TENM3: variants seen among roughly 807,000 people sequenced by gnomAD.
The protein encoded by TENM3 is teneurin-3.
In TENM3, 63 loss-of-function variants were observed where a neutral mutation model predicts 255.1. The ratio of observed to expected loss-of-function variants is 0.25; its 90% CI spans 0.20 to 0.30. The LOEUF is 0.30. Among genes scored for constraint, TENM3 ranks in the 10% least tolerant of loss-of-function variants. The pLI, the probability that TENM3 is intolerant of heterozygous loss-of-function variation, is 1.00. For synonymous variants in TENM3, 1,306 were observed against 1,322.3 expected (o/e 0.99, Z 0.27); for missense variants, 2,929 against 3,461.1 (o/e 0.85, Z 3.86).
At chr4:181,770,674 CAAA>C in the TENM3 span, among the ~76,000 whole-genome samples, 463 of 76,612 alleles carry the variant, frequency 6.0e-3, 2 homozygotes, top group African/African-American at 0.02. Flanking sequence ...GACTCTGTCT[CAAA>C]AAAAAAAAAA....
the TENM3 span, among the ~76,000 whole-genome samples, chr4:182,100,449 AT>A: frequency 0.11 from 4,220 of 40,050 alleles, 238 homozygotes; most frequent in East Asian, 0.19. Flanking sequence ...AAAAAAAAAA[AT>A]ATATATATAT....
At chr4:182,079,258 T>G in the TENM3 span, among the ~76,000 whole-genome samples, 3 of 152,302 alleles carry the variant, frequency 2.0e-5, no homozygotes, top group Non-Finnish European at 4.4e-5. Context: ...GGCTCATGCC[T>G]GTAATCCTAG....
intron 3 of TENM3, among the ~76,000 whole-genome samples, chr4:182,590,774 C>T (rs1008132615): frequency 6.6e-6 from 1 of 150,912 alleles, no homozygotes; most frequent in Non-Finnish European, 1.5e-5. Context: ...ACTTGAACCT[C>T]AGAGGCGGAG....
the TENM3 span, among the ~76,000 whole-genome samples, chr4:181,670,137 G>A: frequency 0.15 from 23,161 of 152,072 alleles, 2,180 homozygotes; most frequent in East Asian, 0.22. Flanking sequence ...TACACTCAAG[G>A]TAAATGGATT....
At position 182,635,640 on chromosome 4, in the gene TENM3, T is replaced by A. The variant is rs147832178; in HGVS notation, c.988+6751T>A. Among the ~76,000 whole-genome samples, 919 of 152,282 alleles carry A rather than the reference T, an allele frequency of 6.0e-3. 10 individuals are homozygous for A. Among genetic ancestry groups the A allele is most frequent in the African/African-American group, 0.021 (873 of 41,560 alleles). The stretch of plus-strand genomic sequence containing the variant: ...CTATTCCTTTCATTTAAAAAATACA[T>A]ATGTAGTTATTTATTTCCTTTGAAC... On this transcript the variant is annotated intron_variant, in intron 5 of 27. Coordinates refer to ENST00000511685, the MANE Select transcript of TENM3 (RefSeq NM_001080477.4).
intron 3 of TENM3, among the ~76,000 whole-genome samples, chr4:182,497,411 G>A (rs1209424882): frequency 2.0e-5 from 3 of 152,116 alleles, no homozygotes; most frequent in Non-Finnish European, 2.9e-5. Context: ...TACTTTTAGT[G>A]TGCTATACTA....
chr4:182,752,139 T>G, intron 20 of TENM3, 107 bp downstream of exon 20: 1 of 743,972 alleles, frequency 1.3e-6, no homozygotes, highest in Non-Finnish European at 2.1e-6. Flanking sequence ...TGAGTCTAAC[T>G]TTTTACCTTT....
At chr4:181,797,095 T>C in the TENM3 span, among the ~76,000 whole-genome samples, 1 of 151,794 alleles carries the variant, frequency 6.6e-6, no homozygotes, top group African/African-American at 2.4e-5. Context: ...CAAAATATGC[T>C]CCCTCCCCTT....
the TENM3 span, among the ~76,000 whole-genome samples, chr4:181,947,784 A>C: frequency 6.6e-6 from 1 of 152,200 alleles, no homozygotes; most frequent in African/African-American, 2.4e-5. Context: ...AAATTAGTGC[A>C]GTATCAGTGG....
intron 3 of TENM3, among the ~76,000 whole-genome samples, chr4:182,453,624 T>C (rs985762894): frequency 1.3e-5 from 2 of 152,256 alleles, no homozygotes; most frequent in East Asian, 1.9e-4. Flanking sequence ...TTGTAAAAAA[T>C]TAAAACGATG....
At chr4:181,688,730 A>G in the TENM3 span, among the ~76,000 whole-genome samples, 1 of 152,218 alleles carries the variant, frequency 6.6e-6, no homozygotes, top group Non-Finnish European at 1.5e-5. Flanking sequence ...GTGTATGTCC[A>G]TGAGTGTTTG....
At chr4:181,959,491 G>A in the TENM3 span, among the ~76,000 whole-genome samples, 51 of 152,210 alleles carry the variant, frequency 3.4e-4, no homozygotes, top group Non-Finnish European at 5.0e-4. Flanking sequence ...AAGAGAGAAC[G>A]GAATACAATT....
At chr4:181,717,339 G>A in the TENM3 span, among the ~76,000 whole-genome samples, 16 of 152,046 alleles carry the variant, frequency 1.1e-4, no homozygotes, top group East Asian at 1.9e-3. Flanking sequence ...AGATGATCAC[G>A]GGGTATAAAA....
At chr4:182,197,463 A>G (rs1386119315) in intron 1 of TENM3, among the ~76,000 whole-genome samples, 1 of 152,172 alleles carries the variant, frequency 6.6e-6, no homozygotes. Context: ...CCATCAGAGG[A>G]TATTATTCAG....
At chr4:182,029,382 T>C in the TENM3 span, among the ~76,000 whole-genome samples, 147,485 of 152,228 alleles carry the variant, frequency 0.97, 71,623 homozygotes, top group East Asian at 1. Flanking sequence ...TCCAATGTTT[T>C]CTTTTTGATT....
At chr4:182,048,920 C>G in the TENM3 span, among the ~76,000 whole-genome samples, 3 of 152,166 alleles carry the variant, frequency 2.0e-5, no homozygotes, top group Admixed American at 1.3e-4. Context: ...TGTTTTCATG[C>G]AAGAAGTTCA....
chr4:181,755,962 G>A, the TENM3 span, among the ~76,000 whole-genome samples: 35 of 152,148 alleles, frequency 2.3e-4, no homozygotes, highest in African/African-American at 7.7e-4. Flanking sequence ...GCACTGTCAC[G>A]TCATTGATAG....
At chr4:181,725,551 G>A in the TENM3 span, among the ~76,000 whole-genome samples, 2 of 150,806 alleles carry the variant, frequency 1.3e-5, no homozygotes, top group East Asian at 3.9e-4. Flanking sequence ...CCATTCTCCT[G>A]CCTAAGTCTC....
At chr4:181,850,477 T>C in the TENM3 span, among the ~76,000 whole-genome samples, 57 of 152,244 alleles carry the variant, frequency 3.7e-4, no homozygotes, top group African/African-American at 1.3e-3. Flanking sequence ...ACATAGGAAA[T>C]TTATATTTCT....
Sources: gnomAD v4.1 joint callset for allele counts (sites outside exome capture counted in the v4.1 genomes callset) on GRCh38, gnomAD v4.1.1 for gene constraint, MANE v1.5 for transcripts, NCBI Gene and HGNC (gene_info 2026-07-23, HGNC 2026-07-21) for gene names.